Variants in CDH13 observed in about 807,000 individuals in gnomAD.
The protein encoded by CDH13 is cadherin-13.
A neutral mutation model predicts 63.8 loss-of-function variants in CDH13; 24 were observed. The ratio of observed to expected loss-of-function variants is 0.38; its 90% CI spans 0.27 to 0.53. The LOEUF (loss-of-function observed/expected upper bound fraction) is 0.53, where lower values mean the gene tolerates loss of function less well. Ranked by LOEUF, CDH13 falls within the 20% of genes least tolerant of loss-of-function variation. The probability of loss-of-function intolerance (pLI) is 0.85; values close to 1 mark genes in which losing one functional copy is unlikely to be tolerated. For missense variants in CDH13, 1,049 were observed against 903.1 expected (o/e 1.16, Z -2.07); for synonymous variants, 503 against 355.3 (o/e 1.42, Z -4.67).
At chr16:83,318,320 T>G (rs2090148427) in intron 5 of CDH13, among the ~76,000 whole-genome samples, 1 of 152,152 alleles carries the variant, frequency 6.6e-6, no homozygotes, top group Non-Finnish European at 1.5e-5. Context: ...ATCACTCCAT[T>G]TTCTTGTGTC....
rs117303932 is a variant in CDH13, at chr16:83,407,045, G to C, written c.781+62039G>C. ...GCTGAATTTTCTAAAATTGGTCTTG[G>C]CCTTCAAAAGATTTCTCATTCCTTC... is the stretch of plus-strand genomic sequence containing the variant. On this transcript the variant is annotated intron_variant, in intron 6 of 13. Transcript: ENST00000567109. 7.9e-3 allele frequency among the ~76,000 whole-genome samples: 1,195 copies of C among 152,224 alleles called. 7 individuals are homozygous for C. The highest frequency in any genetic ancestry group is 0.012 in the Non-Finnish European group (831 of 68,022).
chr16:83,134,475 A>G (rs1011376939), intron 4 of CDH13, among the ~76,000 whole-genome samples: 1 of 149,244 alleles, frequency 6.7e-6, no homozygotes, highest in African/African-American at 2.5e-5. Context: ...CAGGCATGAG[A>G]TGCTGTGCCC....
chr16:82,988,264 C>T (rs912310237), intron 2 of CDH13, among the ~76,000 whole-genome samples: 3 of 152,046 alleles, frequency 2.0e-5, no homozygotes, highest in African/African-American at 4.8e-5. Flanking sequence ...AAAGAAATGC[C>T]TTTAGAGAAT....
At chr16:83,099,251 T>C (rs1394674473) in intron 3 of CDH13, among the ~76,000 whole-genome samples, 1 of 152,200 alleles carries the variant, frequency 6.6e-6, no homozygotes, top group African/African-American at 2.4e-5. Flanking sequence ...AAATGTTAAC[T>C]ATTACATAAA....
intron 5 of CDH13, among the ~76,000 whole-genome samples, chr16:83,254,142 G>A (rs1905925801): frequency 6.6e-6 from 1 of 152,216 alleles, no homozygotes; most frequent in South Asian, 2.1e-4. Flanking sequence ...GCACCCTGGA[G>A]TTAGGGGCTT....
intron 1 of CDH13, among the ~76,000 whole-genome samples, chr16:82,709,199 A>G (rs903276172): frequency 6.6e-6 from 1 of 152,200 alleles, no homozygotes; most frequent in African/African-American, 2.4e-5. Flanking sequence ...TCAAAAACCA[A>G]TCAGCAGAAC....
At chr16:82,713,826 A>AAAAAG in intron 1 of CDH13, among the ~76,000 whole-genome samples, 1 of 150,994 alleles carries the variant, frequency 6.6e-6, no homozygotes, top group Admixed American at 6.6e-5. Context: ...ACAAACAAAA[A>AAAAAG]AAAAGGAAAA....
At chr16:83,138,145 G>C (rs547021143) in intron 4 of CDH13, among the ~76,000 whole-genome samples, 1 of 152,132 alleles carries the variant, frequency 6.6e-6, no homozygotes, top group African/African-American at 2.4e-5. Context: ...CGGGTGGTTT[G>C]GGACAAGTGA....
At chr16:82,734,120 C>T (rs1358433125) in intron 1 of CDH13, among the ~76,000 whole-genome samples, 1 of 152,194 alleles carries the variant, frequency 6.6e-6, no homozygotes, top group African/African-American at 2.4e-5. Context: ...AACCACAGGA[C>T]CATCTGGGGT....
intron 1 of CDH13, among the ~76,000 whole-genome samples, chr16:82,670,234 C>T (rs745927068): frequency 6.6e-6 from 1 of 152,180 alleles, no homozygotes; most frequent in Non-Finnish European, 1.5e-5. Flanking sequence ...AATTGCAAAT[C>T]CCTAGTCGGA....
chr16:83,659,516 G>T (rs1387837823), intron 8 of CDH13, among the ~76,000 whole-genome samples: 4 of 152,252 alleles, frequency 2.6e-5, no homozygotes, highest in Admixed American at 1.3e-4. Flanking sequence ...TCAAGCTGTT[G>T]TTCTCAGCCC....
intron 6 of CDH13, among the ~76,000 whole-genome samples, chr16:83,402,735 T>C (rs901955480): frequency 6.6e-5 from 10 of 152,224 alleles, no homozygotes; most frequent in Admixed American, 2.0e-4. Context: ...TGGCAGAAAG[T>C]CAAAAGTTAC....
At chr16:83,536,451 A>G (rs767739859) in intron 7 of CDH13, among the ~76,000 whole-genome samples, 1 of 152,086 alleles carries the variant, frequency 6.6e-6, no homozygotes, top group African/African-American at 2.4e-5. Flanking sequence ...AAAGAACATC[A>G]CAGGGAGAGA....
Position 83,678,401 on chromosome 16 carries a change from G to A in CDH13, c.1478G>A (p.Gly493Asp). The A allele has an allele frequency of 6.2e-7, 1 of 1,613,986 alleles. No homozygotes were observed. The highest frequency in any genetic ancestry group is 2.2e-5 in the East Asian group (1 of 44,882). Residue 493 changes from glycine to aspartate, a missense_variant, in exon 10 of 14, where the codon GGC (glycine) becomes GAC (aspartate). By Grantham distance (94) the Gly-to-Asp change is moderately conservative. Coordinates refer to ENST00000567109, the MANE Select transcript of CDH13 (RefSeq NM_001257.5). The stretch of plus-strand genomic sequence containing the variant: ...ACCAGGCAGGAGGACCTCTCTGTGG[G>A]CAGCGTGCTGCTGACAGTGAATGCC... ...MVTRQEDLSV[G>D]SVLLTVNATD...
At chr16:83,477,500 T>G (rs1018955743) in intron 6 of CDH13, among the ~76,000 whole-genome samples, 2 of 152,144 alleles carry the variant, frequency 1.3e-5, no homozygotes, top group Admixed American at 1.3e-4. Context: ...CTTCCTCACC[T>G]CAAACCTGTA....
intron 11 of CDH13, among the ~76,000 whole-genome samples, chr16:83,752,380 C>A (rs1913160507): frequency 6.6e-6 from 1 of 152,170 alleles, no homozygotes; most frequent in Non-Finnish European, 1.5e-5. Flanking sequence ...TTAAGAAGAA[C>A]AAAACCAAAA....
intron 5 of CDH13, among the ~76,000 whole-genome samples, chr16:83,317,716 C>G (rs1331654364): frequency 1.3e-5 from 2 of 151,914 alleles, no homozygotes; most frequent in Non-Finnish European, 2.9e-5. Context: ...AGGAGAATCG[C>G]TTGAACCCGG....
intron 6 of CDH13, among the ~76,000 whole-genome samples, chr16:83,411,076 C>T (rs2092119338): frequency 6.6e-6 from 1 of 152,158 alleles, no homozygotes; most frequent in African/African-American, 2.4e-5. Context: ...GGTCGTGGTC[C>T]ACACTCCAGC....
chr16:82,838,081 C>T (rs1001577153), intron 1 of CDH13, among the ~76,000 whole-genome samples: 2 of 152,214 alleles, frequency 1.3e-5, no homozygotes, highest in Non-Finnish European at 2.9e-5. Context: ...CAGATCCTGG[C>T]CCCAAAGCCT....
Sources: allele counts gnomAD v4.1 joint callset (sites outside exome capture counted in the v4.1 genomes callset), GRCh38; gene constraint gnomAD v4.1.1; transcripts MANE v1.5; gene names NCBI Gene and HGNC (gene_info 2026-07-23, HGNC 2026-07-21).